The following SGCZ variants were observed in gnomAD, a reference collection of about 807,000 sequenced individuals.
The protein encoded by SGCZ is sarcoglycan zeta, also known as zeta-sarcoglycan.
SGCZ carries 40 observed loss-of-function variants against 41.3 expected under a neutral mutation model. The observed-to-expected ratio is 0.97, with a 90% CI of 0.75 to 1.26. The LOEUF (loss-of-function observed/expected upper bound fraction) is 1.26, where lower values mean the gene tolerates loss of function less well. SGCZ is among the 50% of genes most tolerant of loss of function. The pLI is 0.00. For synonymous variants in SGCZ, 206 were observed against 137.5 expected (o/e 1.50, Z -3.49); for missense variants, 552 against 369.8 (o/e 1.49, Z -4.04).
intron 2 of SGCZ, among the ~76,000 whole-genome samples, chr8:14,437,432 A>G (rs1374013648): frequency 6.6e-6 from 1 of 152,152 alleles, no homozygotes; most frequent in Non-Finnish European, 1.5e-5. Context: ...TGCAATAGAA[A>G]CAAATGTGTC....
intron 4 of SGCZ, among the ~76,000 whole-genome samples, chr8:14,220,590 A>T (rs146502554): frequency 6.6e-6 from 1 of 151,602 alleles, no homozygotes; most frequent in African/African-American, 2.4e-5. Flanking sequence ...CCCCAGCCTG[A>T]CCAACATGTT....
chr8:14,678,424 C>T (rs1808341609), intron 1 of SGCZ, among the ~76,000 whole-genome samples: 1 of 152,134 alleles, frequency 6.6e-6, no homozygotes. Context: ...GGTAAATAAC[C>T]ATATGACAAG....
chr8:14,756,153 G>A (rs979206942), intron 1 of SGCZ, among the ~76,000 whole-genome samples: 1 of 151,464 alleles, frequency 6.6e-6, no homozygotes, highest in Non-Finnish European at 1.5e-5. Context: ...AGGCATATAG[G>A]ACTCAATTAG....
At chr8:14,294,470 A>T (rs1240932847) in intron 3 of SGCZ, among the ~76,000 whole-genome samples, 2 of 151,976 alleles carry the variant, frequency 1.3e-5, no homozygotes, top group African/African-American at 4.8e-5. Context: ...AAGAAAATAT[A>T]TAAAAACATT....
Position 14,190,105 on chromosome 8 carries a change from G to C in SGCZ, c.425-25403C>G, listed in dbSNP as rs182366715. Among the ~76,000 whole-genome samples, 507 of 140,476 alleles carry C rather than the reference G, an allele frequency of 3.6e-3. 3 individuals are homozygous for C. Among genetic ancestry groups the C allele is most frequent in the African/African-American group, 8.7e-3 (325 of 37,334 alleles). 92.2% of individuals were successfully genotyped at this position (140,476 alleles called of 152,430 possible). On this transcript the variant is annotated intron_variant, in intron 4 of 7. Transcript: ENST00000382080. ...TTGACTCGCTGCAAGCTCCGCCTCT[G>C]GGGTTCACGCCATTCTCCTGCCTCA...
At position 14,632,193 on chromosome 8, in the gene SGCZ, G is replaced by A. The variant is rs191591477; in HGVS notation, c.40-77267C>T. Among the ~76,000 whole-genome samples the A allele has an allele frequency of 3.3e-5, 5 of 151,532 alleles. No individual in the cohort carries two copies. In the East Asian group the frequency reaches 7.8e-4, roughly 24 times the overall value. ...GCCACCATGCCTGGCTAATTTTTAA[G>A]ATTTTTTTTTATAGAGACAAGGTCT... On this transcript the variant is annotated intron_variant, in intron 1 of 7. Coordinates refer to ENST00000382080, the MANE Select transcript of SGCZ (RefSeq NM_139167.4).
chr8:14,642,948 G>A (rs540867093), intron 1 of SGCZ, among the ~76,000 whole-genome samples: 1 of 151,542 alleles, frequency 6.6e-6, no homozygotes, highest in South Asian at 2.1e-4. Flanking sequence ...TTCACACCTC[G>A]ATATATTGCA....
chr8:14,100,572 AT>A (rs1801987259), intron 7 of SGCZ, among the ~76,000 whole-genome samples: 1 of 129,002 alleles, frequency 7.8e-6, no homozygotes, highest in African/African-American at 2.8e-5. Context: ...ATATATTAAT[AT>A]ATTTTCAAAT....
rs56275907 is a variant in SGCZ, at chr8:14,896,546, G to A, written c.39+341039C>T. Reference sequence around the variant, plus strand: ...AGCTTGAGTGCAGCGGCATGATCTCGGCTCACTGCAAACTCCACCTCTCAG... The same window carrying A: ...AGCTTGAGTGCAGCGGCATGATCTCAGCTCACTGCAAACTCCACCTCTCAG... On this transcript the variant is annotated intron_variant, in intron 1 of 7. Coordinates refer to ENST00000382080, the MANE Select transcript of SGCZ (RefSeq NM_139167.4). Among the ~76,000 whole-genome samples, 776 of 151,968 alleles carry A rather than the reference G, an allele frequency of 5.1e-3. 6 individuals carry two copies. Among genetic ancestry groups the A allele is most frequent in the Middle Eastern group, 0.014 (4 of 294 alleles).
chr8:15,086,778 T>C (rs1805964727), intron 1 of SGCZ, among the ~76,000 whole-genome samples: 1 of 152,154 alleles, frequency 6.6e-6, no homozygotes, highest in African/African-American at 2.4e-5. Context: ...TACAACTCAC[T>C]GAAGCAAATT....
chr8:14,148,313 G>GA (rs1216034136), intron 5 of SGCZ, among the ~76,000 whole-genome samples: 1 of 151,564 alleles, frequency 6.6e-6, no homozygotes, highest in Non-Finnish European at 1.5e-5. Context: ...GCCAAACTAA[G>GA]AAAAAAAGAT....
At chr8:14,410,501 G>A (rs1799330134) in intron 2 of SGCZ, among the ~76,000 whole-genome samples, 1 of 151,250 alleles carries the variant, frequency 6.6e-6, no homozygotes, top group African/African-American at 2.4e-5. Context: ...TTCTATTTTT[G>A]GACTGTAATG....
intron 1 of SGCZ, among the ~76,000 whole-genome samples, chr8:14,757,545 T>G (rs1585235735): frequency 6.6e-6 from 1 of 152,140 alleles, no homozygotes; most frequent in East Asian, 1.9e-4. Flanking sequence ...AACAGAAATC[T>G]TTCCTTAAAA....
At chr8:14,510,115 C>A (rs1382854394) in intron 2 of SGCZ, among the ~76,000 whole-genome samples, 3 of 152,054 alleles carry the variant, frequency 2.0e-5, no homozygotes, top group African/African-American at 7.2e-5. Flanking sequence ...CAAAGACTTT[C>A]AAGAAAAGAA....
intron 1 of SGCZ, among the ~76,000 whole-genome samples, chr8:14,888,042 T>C (rs1804874838): frequency 6.6e-6 from 1 of 152,154 alleles, no homozygotes; most frequent in African/African-American, 2.4e-5. Flanking sequence ...TCATTCCACA[T>C]TGTATACATC....
intron 1 of SGCZ, among the ~76,000 whole-genome samples, chr8:14,879,585 C>A (rs1804501044): frequency 9.4e-6 from 1 of 106,838 alleles, no homozygotes; most frequent in East Asian, 3.1e-4. Flanking sequence ...TACACACACA[C>A]AGACACACAG....
intron 2 of SGCZ, among the ~76,000 whole-genome samples, chr8:14,345,022 A>G (rs1802846132): frequency 6.6e-6 from 1 of 152,174 alleles, no homozygotes; most frequent in African/African-American, 2.4e-5. Flanking sequence ...GTAAATGCAA[A>G]TGTACGTGTG....
chr8:15,072,215 T>C (rs1245059424), intron 1 of SGCZ, among the ~76,000 whole-genome samples: 1 of 152,152 alleles, frequency 6.6e-6, no homozygotes, highest in Admixed American at 6.5e-5. Context: ...ATTAGATCTA[T>C]AGACTGGCCA....
chr8:15,083,425 T>A (rs116865204), intron 1 of SGCZ, among the ~76,000 whole-genome samples: 5,936 of 152,284 alleles, frequency 0.039, 149 homozygotes, highest in Non-Finnish European at 0.056. Context: ...ATTTGCCAAA[T>A]TAAAAATTTC....
Sources: gnomAD v4.1 joint callset for allele counts (sites outside exome capture counted in the v4.1 genomes callset) on GRCh38, gnomAD v4.1.1 for gene constraint, MANE v1.5 for transcripts, NCBI Gene and HGNC (gene_info 2026-07-23, HGNC 2026-07-21) for gene names.